Variants in PGR observed in about 807,000 individuals in gnomAD.
PGR encodes the protein progesterone receptor, also known as nuclear receptor subfamily 3 group C member 3.
Under a neutral mutation model 76.1 loss-of-function variants are expected in PGR, and 25 were observed. That is an observed-to-expected ratio of 0.33 (90% CI 0.24 to 0.46). The LOEUF (loss-of-function observed/expected upper bound fraction) is 0.46, where lower values mean the gene tolerates loss of function less well. PGR is among the 20% of genes least tolerant of loss of function. PGR has a pLI of 1.00. For missense variants in PGR, 1,172 were observed against 1,225.3 expected (o/e 0.96, Z 0.65); for synonymous variants, 579 against 535.0 (o/e 1.08, Z -1.14).
At chr11:101,064,577 G>T (rs1860647879) in intron 3 of PGR, among the ~76,000 whole-genome samples, 1 of 151,918 alleles carries the variant, frequency 6.6e-6, no homozygotes, top group South Asian at 2.1e-4. Flanking sequence ...TTGTGTCTAA[G>T]GGAAGATAAT....
Position 101,128,778 on chromosome 11 carries a change from C to T in PGR, c.293G>A (p.Gly98Asp), listed in dbSNP as rs1862990021. 1.9e-6 allele frequency: 3 copies of T among 1,614,084 alleles called. No homozygotes were observed. Among genetic ancestry groups the T allele is most frequent in the South Asian group, 2.2e-5 (2 of 91,086 alleles). The change falls in exon 1 of 8, where the codon GGC becomes GAC. Residue 98 changes from glycine to aspartate, a missense_variant. This residue lies in a region of PGR where 893 missense variants were observed against 785.9 expected (regional missense o/e 1.14). Transcript: ENST00000325455. The part of the protein sequence containing the change: ...SRAEATRGAG[G>D]SSSSPPEKDS... ...CTTTTCTGGGGGACTAGAACTGCTG[C>T]CTCCAGCACCCCTTGTAGCTTCAGC...
intron 2 of PGR, among the ~76,000 whole-genome samples, chr11:101,106,279 A>G (rs1226388127): frequency 6.6e-6 from 1 of 152,232 alleles, no homozygotes; most frequent in Non-Finnish European, 1.5e-5. Flanking sequence ...CTATCATCAG[A>G]GGGAACAGGC....
rs5794091 is a variant in PGR at position 101,045,665 on chromosome 11, T to TTGTGTGTG, written c.2489-3571_2489-3564dup. 3.3e-3 allele frequency among the ~76,000 whole-genome samples: 497 copies of TTGTGTGTG among 149,236 alleles called. 3 individuals are homozygous for TTGTGTGTG. The highest frequency in any genetic ancestry group is 8.4e-3 in the East Asian group (42 of 5,004). On this transcript the variant is annotated intron_variant, in intron 6 of 7. Coordinates refer to ENST00000325455, the MANE Select transcript of PGR (RefSeq NM_000926.4). ...TTTGATTGCTGAATACTATTCCATT[T>TTGTGTGTG]TGTGTGTGTGTGTGTGTGTGTGTGT...
At position 101,030,444 on chromosome 11, in the gene PGR, T is replaced by C. The variant is rs1017048625; in HGVS notation, c.*8672A>G. 9 of 230,916 alleles carry C rather than the reference T, an allele frequency of 3.9e-5. No individual in the cohort carries two copies. Among genetic ancestry groups the C allele is most frequent in the African/African-American group, 2.0e-4 (9 of 45,218 alleles). 14.3% of individuals were successfully genotyped at this position (230,916 alleles called of 1,614,324 possible). A position where few individuals can be genotyped will look rare whatever the true frequency, so the allele number is the denominator to read the frequency against. On this transcript the variant is annotated 3_prime_UTR_variant, in exon 8 of 8. Transcript: ENST00000325455. ...TGTTACCAGCCAGTGCCAGGAGAAC[T>C]GTCAGGCACACATGGATAGATGAAG...
Position 101,127,616 on chromosome 11 carries a change from C to A in PGR, c.1455G>T (p.Ala485=). The change falls in exon 1 of 8, where the codon GCG becomes GCT. Residue 485 remains alanine, a synonymous_variant. Coordinates refer to ENST00000325455, the MANE Select transcript of PGR (RefSeq NM_000926.4). ...FAPPPCKAPG[A]SGCLLPRDGL... is the part of the protein sequence containing the mutation. ...CGTCCCGCGGGAGCAGGCAGCCGCT[C>A]GCGCCCGGCGCCTTGCAGGGCGGCG... 1 of 1,305,884 alleles carries A rather than the reference C, an allele frequency of 7.7e-7. No homozygotes were observed. The highest frequency in any genetic ancestry group is 3.1e-5 in the East Asian group (1 of 32,120). The allele number at this position is 1,305,884 out of a possible 1,614,324, so 80.9% of individuals were successfully genotyped here.
intron 4 of PGR, among the ~76,000 whole-genome samples, chr11:101,054,838 T>C (rs1364645210): frequency 6.6e-6 from 1 of 152,200 alleles, no homozygotes. Context: ...AGATATTTAT[T>C]ATTGGTCTAT....
chr11:101,090,095 G>A (rs1861629821), intron 3 of PGR, among the ~76,000 whole-genome samples: 1 of 152,268 alleles, frequency 6.6e-6, no homozygotes, highest in South Asian at 2.1e-4. Flanking sequence ...CTACTTGGGA[G>A]GTTGTGGCAG....
rs1555045260 is a variant in PGR, at chr11:101,035,617, C to T, written c.*3499G>A. On this transcript the variant is annotated 3_prime_UTR_variant, in exon 8 of 8. Coordinates refer to ENST00000325455, the MANE Select transcript of PGR (RefSeq NM_000926.4). ...GGAGGGGCTGTGTTCTAGTCAGGCTCTCTGTTCTAAAAAGACACTTAAAAA... is the reference window on the plus strand; with the variant it reads ...GGAGGGGCTGTGTTCTAGTCAGGCTTTCTGTTCTAAAAAGACACTTAAAAA... 2 of 232,008 alleles carry T rather than the reference C, an allele frequency of 8.6e-6. No homozygotes were observed. The highest frequency in any genetic ancestry group is 1.8e-4 in the South Asian group (1 of 5,514). 14.4% of individuals were successfully genotyped at this position (232,008 alleles called of 1,614,324 possible).
intron 3 of PGR, among the ~76,000 whole-genome samples, chr11:101,066,068 TTTGCCCTC>T (rs1436240705): frequency 2.6e-5 from 4 of 152,182 alleles, no homozygotes; most frequent in African/African-American, 7.2e-5. Flanking sequence ...TCTGAAATCA[TTTGCCCTC>T]TTGTCTGCAT....
At chr11:101,070,288 C>T (rs915108790) in intron 3 of PGR, among the ~76,000 whole-genome samples, 32 of 152,238 alleles carry the variant, frequency 2.1e-4, no homozygotes, top group African/African-American at 3.6e-4. Context: ...CAATGTGTTC[C>T]GGCCCAGATA....
intron 3 of PGR, among the ~76,000 whole-genome samples, chr11:101,075,494 T>C (rs1275043284): frequency 1.3e-5 from 2 of 152,022 alleles, no homozygotes; most frequent in Non-Finnish European, 1.5e-5. Context: ...CTAAAGACCT[T>C]CTGCACAGCA....
At chr11:101,081,808 CTT>C (rs1861316644) in intron 3 of PGR, among the ~76,000 whole-genome samples, 1 of 152,186 alleles carries the variant, frequency 6.6e-6, no homozygotes, top group African/African-American at 2.4e-5. Flanking sequence ...CATAAACACA[CTT>C]AAGCACATAG....
intron 2 of PGR, among the ~76,000 whole-genome samples, chr11:101,124,591 T>C (rs1253340204): frequency 6.6e-6 from 1 of 152,184 alleles, no homozygotes; most frequent in East Asian, 1.9e-4. Flanking sequence ...AAAATTATAC[T>C]ATCCTTAGGA....
At chr11:101,123,195 T>C (rs954340600) in intron 2 of PGR, among the ~76,000 whole-genome samples, 3 of 152,182 alleles carry the variant, frequency 2.0e-5, no homozygotes, top group African/African-American at 4.8e-5. Flanking sequence ...ACCAACATTA[T>C]AACAACTAAA....
chr11:101,046,624 T>C (rs1859897412), intron 6 of PGR, among the ~76,000 whole-genome samples: 1 of 152,030 alleles, frequency 6.6e-6, no homozygotes, highest in South Asian at 2.1e-4. Context: ...TAAAAGGTAT[T>C]TGAGATTGAA....
At chr11:101,041,362 A>C (rs1379382495) in intron 7 of PGR, among the ~76,000 whole-genome samples, 1 of 152,056 alleles carries the variant, frequency 6.6e-6, no homozygotes, top group Non-Finnish European at 1.5e-5. Context: ...CAAACCACAG[A>C]TATCTTGTCT....
intron 1 of PGR, 44 bp downstream of exon 1, chr11:101,127,390 G>T: frequency 7.0e-7 from 1 of 1,438,126 alleles, no homozygotes; most frequent in Non-Finnish European, 9.3e-7. Flanking sequence ...CAACGGAACC[G>T]CTACTCCCGG....
At chr11:101,091,968 C>T (rs960382973) in intron 2 of PGR, 92 bp from the exon 3 acceptor site, 7 of 733,412 alleles carry the variant, frequency 9.5e-6, no homozygotes, top group African/African-American at 5.2e-5. Flanking sequence ...ACTAGATACA[C>T]ATCAGCAAGT....
intron 2 of PGR, among the ~76,000 whole-genome samples, chr11:101,119,239 C>A (rs979217795): frequency 1.3e-5 from 2 of 152,190 alleles, no homozygotes; most frequent in African/African-American, 4.8e-5. Flanking sequence ...GGACCATGGA[C>A]TGGCTGTGGT....
Sources: gnomAD v4.1 joint callset for allele counts (sites outside exome capture counted in the v4.1 genomes callset) on GRCh38, gnomAD v4.1.1 for gene constraint, gnomAD v4.1.1 regional missense constraint, MANE v1.5 for transcripts, NCBI Gene and HGNC (gene_info 2026-07-23, HGNC 2026-07-21) for gene names.